Variants in CIB1 observed in about 807,000 individuals in gnomAD.
CIB1 encodes calcium and integrin binding 1, also known as calcium and integrin-binding protein 1.
A neutral mutation model predicts 25.0 loss-of-function variants in CIB1; 19 were observed. The ratio of observed to expected loss-of-function variants is 0.76; its 90% CI spans 0.53 to 1.12. The LOEUF (loss-of-function observed/expected upper bound fraction) is 1.12, where lower values mean the gene tolerates loss of function less well. CIB1 is among the 50% of genes most tolerant of loss of function. The pLI, the probability that CIB1 is intolerant of heterozygous loss-of-function variation, is 0.00. For synonymous variants in CIB1, 104 were observed against 98.5 expected (o/e 1.06, Z -0.33); for missense variants, 236 against 242.6 (o/e 0.97, Z 0.18).
intron 2 of CIB1, among the ~76,000 whole-genome samples, chr15:90,233,391 A>G (rs1388551076): frequency 6.6e-6 from 1 of 152,236 alleles, no homozygotes; most frequent in Non-Finnish European, 1.5e-5. Context: ...CTGGGGCAGG[A>G]AGTTCGGCAG....
At chr15:90,258,842 T>C in the CIB1 span, 2 of 1,614,154 alleles carry the variant, frequency 1.2e-6, no homozygotes, top group Admixed American at 1.7e-5. Flanking sequence ...CCTCCGGGGC[T>C]GTGACAAAAG....
At chr15:90,256,366 A>T in the CIB1 span, 5 of 1,594,150 alleles carry the variant, frequency 3.1e-6, no homozygotes, top group Non-Finnish European at 4.3e-6. Context: ...CTCTCCCAAA[A>T]GCCAGGGAGG....
the CIB1 span, among the ~76,000 whole-genome samples, chr15:90,251,114 C>CT: frequency 0.046 from 4,783 of 104,634 alleles, 417 homozygotes; most frequent in Non-Finnish European, 0.053. Context: ...CCTGGTCTGT[C>CT]TTTTTTTTTT....
chr15:90,247,554 A>G, the CIB1 span, among the ~76,000 whole-genome samples: 2 of 151,410 alleles, frequency 1.3e-5, no homozygotes, highest in Non-Finnish European at 2.9e-5. Context: ...CATACCTATC[A>G]AGGACAATAA....
the CIB1 span, chr15:90,245,846 A>G: frequency 6.6e-6 from 1 of 152,188 alleles, no homozygotes; most frequent in Non-Finnish European, 1.5e-5. Flanking sequence ...TGAATCTTCA[A>G]GAAGAGCATT....
the CIB1 span, among the ~76,000 whole-genome samples, chr15:90,250,110 CA>C: frequency 0.032 from 4,927 of 151,902 alleles, 271 homozygotes; most frequent in African/African-American, 0.11. Flanking sequence ...GGCAACGCAC[CA>C]GCACACCCAG....
chr15:90,241,850 G>A, the CIB1 span: 3 of 1,614,042 alleles, frequency 1.9e-6, no homozygotes, highest in African/African-American at 4.0e-5. Context: ...TAATTCTGTG[G>A]GCCCGGAAGT....
chr15:90,231,427 C>T lies in CIB1; in HGVS notation c.276G>A (p.Leu92=). ...AKDSLSFEDF[L]DLLSVFSDTA... ...TGTCACTGAACACACTGAGGAGATC[C>T]AGGAAGTCCTCAAAGCTAAGGCTGT... is the stretch of plus-strand genomic sequence containing the variant. The change falls in exon 4 of 7, where the codon CTG becomes CTA. Residue 92 remains leucine, a synonymous_variant. Coordinates refer to ENST00000328649, the MANE Select transcript of CIB1 (RefSeq NM_006384.4). 6.2e-7 allele frequency: 1 copy of T among 1,614,194 alleles called. No homozygotes were observed. Among genetic ancestry groups the T allele is most frequent in the Non-Finnish European group, 8.5e-7 (1 of 1,180,032 alleles).
chr15:90,253,307 T>G, the CIB1 span: 2 of 1,613,806 alleles, frequency 1.2e-6, no homozygotes, highest in Non-Finnish European at 1.7e-6. Flanking sequence ...AAGAGTGGAC[T>G]CTGTACTGGA....
chr15:90,257,677 AAC>A, the CIB1 span: 1 of 1,614,190 alleles, frequency 6.2e-7, no homozygotes, highest in Non-Finnish European at 8.5e-7. Context: ...GCTATCAACA[AAC>A]ACAATGAGAA....
chr15:90,265,732 T>C, the CIB1 span: 605 of 1,613,310 alleles, frequency 3.8e-4, 2 homozygotes, highest in East Asian at 0.01. Flanking sequence ...ACCCTGAGTC[T>C]CTTGCTGGGC....
chr15:90,263,911 G>A, the CIB1 span: 2 of 1,367,244 alleles, frequency 1.5e-6, no homozygotes, highest in Non-Finnish European at 2.0e-6. Context: ...AAGCATGAAT[G>A]CTGCAATCCC....
rs753545325 is a variant in CIB1 at position 90,231,338 on chromosome 15, G to A, written c.346+19C>T. The A allele has an allele frequency of 6.2e-7, 1 of 1,612,272 alleles. No individual in the cohort carries two copies. Among genetic ancestry groups the A allele is most frequent in the South Asian group, 1.1e-5 (1 of 91,024 alleles). On this transcript the variant is annotated intron_variant, in intron 4 of 6. Coordinates refer to ENST00000328649, the MANE Select transcript of CIB1 (RefSeq NM_006384.4). Reference sequence around the variant, plus strand: ...CGTGGGAAGGGGTGGTGTCCTGCCGGGCTGCTCCTGGTTCTCACCAAAGAT... The same window carrying A: ...CGTGGGAAGGGGTGGTGTCCTGCCGAGCTGCTCCTGGTTCTCACCAAAGAT...
At chr15:90,262,090 C>A in the CIB1 span, 1 of 1,536,092 alleles carries the variant, frequency 6.5e-7, no homozygotes. Context: ...ACCGGCGGAT[C>A]TACCCTGGGC....
At chr15:90,253,361 G>C in the CIB1 span, 3 of 1,611,698 alleles carry the variant, frequency 1.9e-6, no homozygotes, top group South Asian at 2.2e-5. Context: ...ACATGAAGAG[G>C]TTTCAGGTAC....
chr15:90,256,601 C>CTT, the CIB1 span, among the ~76,000 whole-genome samples: 12 of 32,990 alleles, frequency 3.6e-4, no homozygotes, highest in Admixed American at 2.6e-3. Flanking sequence ...TTCTTTCTTT[C>CTT]TTTCTTTCCT....
chr15:90,233,929 A>G lies in CIB1; in HGVS notation c.-44T>C. The G allele has an allele frequency of 1.4e-6, 2 of 1,446,144 alleles. No individual in the cohort carries two copies. Among genetic ancestry groups the G allele is most frequent in the Non-Finnish European group, 9.1e-7 (1 of 1,104,920 alleles). 89.6% of individuals were successfully genotyped at this position (1,446,144 alleles called of 1,614,324 possible). On this transcript the variant is annotated 5_prime_UTR_variant, in exon 1 of 7. Coordinates refer to ENST00000328649, the MANE Select transcript of CIB1 (RefSeq NM_006384.4). ...GCTCCGCCAACTCGCCTCGAGACGC[A>G]GACAACTTTCTCACTTCCGCCCTTG...
At chr15:90,234,664 C>T (rs1962593790), upstream of CIB1, 1 of 152,142 alleles carries the variant, frequency 6.6e-6, no homozygotes, top group Non-Finnish European at 1.5e-5. Flanking sequence ...TTCCGGGCGC[C>T]GGCATTTAGA....
At chr15:90,231,629 T>G (rs1962495941) in intron 3 of CIB1, 122 bp from the exon 4 acceptor site, 6 of 1,176,076 alleles carry the variant, frequency 5.1e-6, no homozygotes, top group Non-Finnish European at 4.7e-6. Flanking sequence ...GGGTGAACAG[T>G]CAGTGCTTTG....
Sources: gnomAD v4.1 joint callset for allele counts (sites outside exome capture counted in the v4.1 genomes callset) on GRCh38, gnomAD v4.1.1 for gene constraint, MANE v1.5 for transcripts, NCBI Gene and HGNC (gene_info 2026-07-23, HGNC 2026-07-21) for gene names.